Variants in AGMO observed in about 807,000 individuals in gnomAD.
AGMO encodes glyceryl-ether monooxygenase.
AGMO carries 75 observed loss-of-function variants against 60.2 expected under a neutral mutation model. The ratio of observed to expected loss-of-function variants is 1.25; its 90% confidence interval spans 1.03 to 1.51. AGMO has a LOEUF of 1.51. Ranked by LOEUF, AGMO falls within the 40% of genes most tolerant of loss-of-function variation. AGMO has a pLI of 0.00. For synonymous variants in AGMO, 261 were observed against 177.1 expected, an observed-to-expected ratio of 1.47 and a Z score of -3.76; for missense variants, 763 against 525.5, an observed-to-expected ratio of 1.45 and a Z score of -4.42.
intron 12 of AGMO, among the ~76,000 whole-genome samples, chr7:15,239,760 A>G (rs1782534841): frequency 6.6e-6 from 1 of 152,118 alleles, no homozygotes. Flanking sequence ...TATTATGTAC[A>G]CTTATTAAGT....
At chr7:15,531,613 G>A (rs10229595) in intron 3 of AGMO, among the ~76,000 whole-genome samples, 55,517 of 70,864 alleles carry the variant, frequency 0.78, 22,723 homozygotes, top group East Asian at 0.96. Context: ...TATATTCTAT[G>A]TATATTCTAT....
At chr7:15,414,132 C>A (rs1780691383) in intron 5 of AGMO, among the ~76,000 whole-genome samples, 1 of 151,886 alleles carries the variant, frequency 6.6e-6, no homozygotes, top group South Asian at 2.1e-4. Context: ...CTCAGCCTCC[C>A]AGGTAGAAGG....
At chr7:15,244,817 A>G (rs1008790440) in intron 12 of AGMO, among the ~76,000 whole-genome samples, 7 of 151,878 alleles carry the variant, frequency 4.6e-5, no homozygotes, top group Non-Finnish European at 8.8e-5. Context: ...ATGCGTGGCT[A>G]ATTTTTTTGT....
downstream of AGMO, among the ~76,000 whole-genome samples, chr7:15,197,206 C>T (rs1781139987): frequency 6.6e-6 from 1 of 151,958 alleles, no homozygotes; most frequent in Non-Finnish European, 1.5e-5. Context: ...GAGTCTATGA[C>T]TATGAGAACA....
At chr7:15,251,819 C>G (rs1422490808) in intron 12 of AGMO, among the ~76,000 whole-genome samples, 2 of 152,214 alleles carry the variant, frequency 1.3e-5, no homozygotes, top group Non-Finnish European at 2.9e-5. Flanking sequence ...CTTACAACTT[C>G]ATGCCCCACA....
downstream of AGMO, among the ~76,000 whole-genome samples, chr7:15,196,412 T>G (rs1221415892): frequency 6.6e-6 from 1 of 152,200 alleles, no homozygotes; most frequent in Non-Finnish European, 1.5e-5. Context: ...TTTGGTGGCA[T>G]GTCTAAATAT....
chr7:15,498,482 T>C (rs1017986289), intron 3 of AGMO, among the ~76,000 whole-genome samples: 1 of 152,014 alleles, frequency 6.6e-6, no homozygotes, highest in East Asian at 1.9e-4. Context: ...CTGCAGTTTG[T>C]TACAGATGAA....
chr7:15,372,387 CAGAGG>C (rs765005030), intron 10 of AGMO, among the ~76,000 whole-genome samples: 2 of 152,118 alleles, frequency 1.3e-5, no homozygotes, highest in Non-Finnish European at 2.9e-5. Flanking sequence ...ACCTGGGAAG[CAGAGG>C]TTGCAGTGAG....
intron 3 of AGMO, among the ~76,000 whole-genome samples, chr7:15,476,777 T>G (rs147546040): frequency 6.6e-6 from 1 of 152,202 alleles, no homozygotes; most frequent in East Asian, 1.9e-4. Context: ...TAAAACAAAA[T>G]AGCTGAAGGT....
At chr7:15,374,374 A>G (rs919734135) in intron 10 of AGMO, among the ~76,000 whole-genome samples, 3 of 152,176 alleles carry the variant, frequency 2.0e-5, no homozygotes, top group Non-Finnish European at 4.4e-5. Context: ...TATTGGCTAA[A>G]AAAGTATAAT....
the AGMO span, among the ~76,000 whole-genome samples, chr7:15,183,492 C>T: frequency 0.97 from 147,529 of 152,342 alleles, 71,456 homozygotes; most frequent in East Asian, 1. Context: ...TATTATCAAC[C>T]GCATCCTCAC....
intron 4 of AGMO, among the ~76,000 whole-genome samples, chr7:15,421,911 A>T (rs543517012): frequency 1.3e-5 from 2 of 152,270 alleles, no homozygotes; most frequent in East Asian, 1.9e-4. Context: ...AGTCAGAAAG[A>T]GTTGCAGTAA....
chr7:15,262,959 C>T (rs745770529), intron 12 of AGMO, among the ~76,000 whole-genome samples: 54 of 152,058 alleles, frequency 3.6e-4, no homozygotes, highest in Non-Finnish European at 6.9e-4. Context: ...AATATAAGAC[C>T]TGAAACCGTA....
intron 3 of AGMO, among the ~76,000 whole-genome samples, chr7:15,510,493 T>G (rs1311719704): frequency 6.6e-6 from 1 of 151,754 alleles, no homozygotes. Flanking sequence ...CATCTGTTTA[T>G]GGGTAAACGA....
intron 12 of AGMO, among the ~76,000 whole-genome samples, chr7:15,265,798 T>C (rs1234402160): frequency 2.6e-5 from 4 of 152,020 alleles, no homozygotes; most frequent in Non-Finnish European, 1.5e-5. Context: ...CCCAAAAGAA[T>C]TGAAAGCCAT....
rs570150107 is a variant in AGMO, at chr7:15,318,048, C to G, written c.1263+47466G>C. 4.7e-5 allele frequency among the ~76,000 whole-genome samples: 7 copies of G among 150,374 alleles called. No individual in the cohort carries two copies. In the East Asian group the frequency reaches 1.4e-3, roughly 30 times the overall value. On this transcript the variant is annotated intron_variant, in intron 12 of 12. Transcript: ENST00000342526. ...TGAGAGCGTATCTTGCTCTATCACCCAGGCTGGTGTGCAGTAGTGCAATCT... is the reference window on the plus strand; with the variant it reads ...TGAGAGCGTATCTTGCTCTATCACCGAGGCTGGTGTGCAGTAGTGCAATCT...
chr7:15,279,687 C>G (rs1029378189), intron 12 of AGMO, among the ~76,000 whole-genome samples: 3 of 152,128 alleles, frequency 2.0e-5, no homozygotes, highest in Non-Finnish European at 2.9e-5. Context: ...TTGAAAGAAG[C>G]AGCAGGCTGC....
chr7:15,375,767 A>G (rs1783428363), intron 10 of AGMO, among the ~76,000 whole-genome samples: 2 of 152,154 alleles, frequency 1.3e-5, no homozygotes, highest in Non-Finnish European at 2.9e-5. Context: ...GGGAGTTTCC[A>G]AAACAGAATT....
chr7:15,356,747 G>A (rs756352395), intron 12 of AGMO, among the ~76,000 whole-genome samples: 14 of 151,568 alleles, frequency 9.2e-5, no homozygotes, highest in South Asian at 2.1e-4. Flanking sequence ...ATGAAAAAAT[G>A]TGATTAAAAA....
Sources: gnomAD v4.1 joint callset for allele counts (sites outside exome capture counted in the v4.1 genomes callset) on GRCh38, gnomAD v4.1.1 for gene constraint, MANE v1.5 for transcripts, NCBI Gene and HGNC (gene_info 2026-07-23, HGNC 2026-07-21) for gene names.